The following FBXO25 variants were observed in gnomAD, a reference collection of about 807,000 sequenced individuals.
FBXO25 encodes the protein F-box protein 25.
Under a neutral mutation model 51.9 loss-of-function variants are expected in FBXO25, and 45 were observed. The observed-to-expected ratio is 0.87, with a 90% CI of 0.68 to 1.11. The LOEUF is 1.11. Ranked by LOEUF, FBXO25 falls within the 50% of genes most tolerant of loss-of-function variation. The pLI is 0.00. For synonymous variants in FBXO25, 199 were observed against 151.0 expected (o/e 1.32, Z -2.33); for missense variants, 507 against 428.5 (o/e 1.18, Z -1.62).
At chr8:451,019 G>A (rs1799050633) in intron 6 of FBXO25, 3 of 336,094 alleles carry the variant, frequency 8.9e-6, no homozygotes, top group Non-Finnish European at 1.6e-5. Flanking sequence ...CCTCATGTAA[G>A]TGGAGATATA....
intron 5 of FBXO25, among the ~76,000 whole-genome samples, chr8:441,242 C>G (rs1170120547): frequency 6.6e-6 from 1 of 152,136 alleles, no homozygotes; most frequent in Non-Finnish European, 1.5e-5. Flanking sequence ...CTTTCACAAA[C>G]CTGACAAAAA....
intron 5 of FBXO25, among the ~76,000 whole-genome samples, chr8:442,558 C>T (rs1296500880): frequency 6.6e-6 from 1 of 152,106 alleles, no homozygotes; most frequent in Non-Finnish European, 1.5e-5. Context: ...CAACTTCCGC[C>T]CCCCGGGTTC....
chr8:414,704 T>C (rs1796689222), intron 2 of FBXO25, among the ~76,000 whole-genome samples: 1 of 152,308 alleles, frequency 6.6e-6, no homozygotes, highest in South Asian at 2.1e-4. Context: ...CGCCCAAACT[T>C]ACCTACAGAT....
chr8:469,319 G>C lies in FBXO25; in HGVS notation c.*515G>C, dbSNP rs1800393882. On this transcript the variant is annotated 3_prime_UTR_variant, in exon 10 of 10. Coordinates refer to ENST00000350302, the MANE Select transcript of FBXO25 (RefSeq NM_183420.2). ...CCTCTTTGAATAGAAAGTGAACCCAGGGCAATGACAGCCATTCTTGTCTTA... is the reference window on the plus strand; with the variant it reads ...CCTCTTTGAATAGAAAGTGAACCCACGGCAATGACAGCCATTCTTGTCTTA... The C allele has an allele frequency of 6.6e-6, 1 of 152,618 alleles. No homozygotes were observed. Among genetic ancestry groups the C allele is most frequent in the African/African-American group, 2.4e-5 (1 of 41,450 alleles). 9.5% of individuals were successfully genotyped at this position (152,618 alleles called of 1,614,324 possible).
At chr8:411,946 A>T (rs557722002) in intron 1 of FBXO25, among the ~76,000 whole-genome samples, 18 of 152,340 alleles carry the variant, frequency 1.2e-4, no homozygotes, top group Admixed American at 1.1e-3. Flanking sequence ...ATTCATATTT[A>T]ACTGAACTAA....
intron 4 of FBXO25, 85 bp downstream of exon 4, chr8:433,020 T>C (rs1312353709): frequency 7.8e-6 from 11 of 1,407,462 alleles, no homozygotes; most frequent in Admixed American, 3.1e-5. Flanking sequence ...ATTAATAAAG[T>C]TGCATAAAAC....
chr8:450,930 C>A (rs1052704000), intron 6 of FBXO25: 7 of 210,868 alleles, frequency 3.3e-5, no homozygotes, highest in African/African-American at 1.7e-4. Context: ...CTCCTCCCCA[C>A]CAGCCCCTGG....
In FBXO25 at chr8:472,380, A is replaced by AC. The variant is rs1800510761; in HGVS notation, c.*3578dup. ...TGACTGATTTCTATATCTTGAACCA[A>AC]CCTTGCATTCTTGGGTCAAAGCCCA... On this transcript the variant is annotated 3_prime_UTR_variant, in exon 10 of 10. Transcript: ENST00000350302. 6.6e-6 allele frequency: 1 copy of AC among 152,294 alleles called. No individual in the cohort carries two copies. Among genetic ancestry groups the AC allele is most frequent in the Non-Finnish European group, 1.5e-5 (1 of 68,018 alleles). The allele number at this position is 152,294 out of a possible 1,614,324, so 9.4% of individuals were successfully genotyped here. A position where few individuals can be genotyped will look rare whatever the true frequency, so the allele number is the denominator to read the frequency against.
At chr8:463,460 C>T (rs1799949107) in intron 9 of FBXO25, among the ~76,000 whole-genome samples, 1 of 152,184 alleles carries the variant, frequency 6.6e-6, no homozygotes, top group East Asian at 1.9e-4. Flanking sequence ...TGGCCCCCAG[C>T]CTGAGGTTGA....
chr8:464,009 A>C (rs1222987694), intron 9 of FBXO25, among the ~76,000 whole-genome samples: 1 of 152,068 alleles, frequency 6.6e-6, no homozygotes, highest in African/African-American at 2.4e-5. Context: ...TCTGTCACCC[A>C]GGCAGTTATG....
chr8:424,190 C>A (rs893518685), intron 2 of FBXO25, among the ~76,000 whole-genome samples: 1 of 150,694 alleles, frequency 6.6e-6, no homozygotes, highest in Non-Finnish European at 1.5e-5. Flanking sequence ...GCAATTTCCG[C>A]TCACTCCTTT....
intron 5 of FBXO25, among the ~76,000 whole-genome samples, chr8:448,910 A>G (rs1395148645): frequency 6.6e-6 from 1 of 152,226 alleles, no homozygotes; most frequent in African/African-American, 2.4e-5. Flanking sequence ...TTAAAATTCC[A>G]AAAGTAACCC....
intron 2 of FBXO25, among the ~76,000 whole-genome samples, chr8:416,949 A>G (rs1361959100): frequency 1.3e-5 from 2 of 152,250 alleles, no homozygotes; most frequent in East Asian, 3.8e-4. Context: ...GAAGATCTAT[A>G]GAGAGTGGCC....
At chr8:449,055 C>A (rs1417730751) in intron 5 of FBXO25, among the ~76,000 whole-genome samples, 1 of 151,666 alleles carries the variant, frequency 6.6e-6, no homozygotes, top group African/African-American at 2.4e-5. Flanking sequence ...AAACACATAA[C>A]TTTATACACA....
At chr8:439,718 T>C (rs1253688652) in intron 5 of FBXO25, among the ~76,000 whole-genome samples, 1 of 152,328 alleles carries the variant, frequency 6.6e-6, no homozygotes, top group East Asian at 1.9e-4. Context: ...TTAGCCCACC[T>C]GCTCCTCATG....
rs141572276 is a variant in FBXO25 at position 471,361 on chromosome 8, C to G, written c.*2557C>G. On this transcript the variant is annotated 3_prime_UTR_variant, in exon 10 of 10. Transcript: ENST00000350302. ...GTTATTTACAGAAGATCGGACAACA[C>G]CAAACAGAGATGAGAAGAGAAATCA... 2 of 152,128 alleles carry G rather than the reference C, an allele frequency of 1.3e-5. No homozygotes were observed. Among genetic ancestry groups the G allele is most frequent in the African/African-American group, 4.8e-5 (2 of 41,386 alleles). 9.4% of individuals were successfully genotyped at this position (152,128 alleles called of 1,614,324 possible). A position where few individuals can be genotyped will look rare whatever the true frequency, so the allele number is the denominator to read the frequency against.
In FBXO25 at chr8:473,721, C is replaced by G. The variant is rs182398553; in HGVS notation, c.*4917C>G. On this transcript the variant is annotated 3_prime_UTR_variant, in exon 10 of 10. Transcript: ENST00000350302. ...CCAGCGTTCACTGAGGATGCGGTTT[C>G]TTTGAAATGCTCTTGTTCTTCCTAA... 104 of 143,630 alleles carry G rather than the reference C, an allele frequency of 7.2e-4. 1 individual carries two copies. Among genetic ancestry groups the G allele is most frequent in the African/African-American group, 2.7e-3 (103 of 37,806 alleles). 8.9% of individuals were successfully genotyped at this position (143,630 alleles called of 1,614,324 possible).
intron 4 of FBXO25, among the ~76,000 whole-genome samples, chr8:434,091 A>C (rs1339536779): frequency 6.6e-6 from 1 of 152,178 alleles, no homozygotes; most frequent in Non-Finnish European, 1.5e-5. Flanking sequence ...TGCTCCCTGG[A>C]ATGCTAGGAA....
intron 1 of FBXO25, among the ~76,000 whole-genome samples, chr8:409,464 G>T (rs1055481071): frequency 6.6e-6 from 1 of 152,140 alleles, no homozygotes; most frequent in Non-Finnish European, 1.5e-5. Context: ...ATTTTTCACT[G>T]AGTTGCCAAA....
Sources: allele counts gnomAD v4.1 joint callset (sites outside exome capture counted in the v4.1 genomes callset), GRCh38; gene constraint gnomAD v4.1.1; transcripts MANE v1.5; gene names NCBI Gene and HGNC (gene_info 2026-07-23, HGNC 2026-07-21).